NKTR: variants seen among roughly 807,000 people sequenced by gnomAD.
The protein encoded by NKTR is NK-tumor recognition protein.
A neutral mutation model predicts 156.3 loss-of-function variants in NKTR; 67 were observed. That is an observed-to-expected ratio of 0.43 (90% CI 0.35 to 0.53). The LOEUF (loss-of-function observed/expected upper bound fraction) is 0.53, where lower values mean the gene tolerates loss of function less well. Ranked by LOEUF, NKTR falls within the 20% of genes least tolerant of loss-of-function variation. NKTR has a pLI of 0.01. For synonymous variants in NKTR, 640 were observed against 596.6 expected (o/e 1.07, Z -1.06); for missense variants, 1,604 against 1,730.9 (o/e 0.93, Z 1.30).
intron 6 of NKTR, chr3:42,629,393 C>T: frequency 1.1e-6 from 1 of 921,090 alleles, no homozygotes; most frequent in Non-Finnish European, 1.3e-6. Context: ...TTCTGTAGTG[C>T]TCTTACAGAA....
intron 2 of NKTR, among the ~76,000 whole-genome samples, chr3:42,610,743 C>G (rs896380525): frequency 4.0e-5 from 6 of 151,766 alleles, no homozygotes; most frequent in Non-Finnish European, 2.9e-5. Context: ...CTCTCCCAGG[C>G]TTTGGTTTCG....
At chr3:42,617,774 T>TA (rs58694012) in intron 3 of NKTR, 130 bp downstream of exon 3, 61,884 of 557,742 alleles carry the variant, frequency 0.11, 4,659 homozygotes, top group African/African-American at 0.24. Context: ...AAAAAAGAGT[T>TA]ACTTATACTG....
chr3:42,643,315 G>C (rs1055486604), intron 14 of NKTR, 24 bp from the exon 15 acceptor site: 1 of 1,605,932 alleles, frequency 6.2e-7, no homozygotes. Context: ...ATAAGATGAT[G>C]GTCCTTCATG....
chr3:42,609,832 A>G (rs916194532), intron 2 of NKTR, among the ~76,000 whole-genome samples: 2 of 150,992 alleles, frequency 1.3e-5, no homozygotes, highest in African/African-American at 2.5e-5. Context: ...ATTTTGTTCT[A>G]CTAGTTCTTG....
In NKTR at chr3:42,638,144, T is replaced by C; in HGVS notation, c.2440T>C (p.Ser814Pro). ...SLDYSSDSEQSSVQATQSAQE... is the reference protein window; with the variant it reads ...SLDYSSDSEQPSVQATQSAQE... Reference sequence around the variant, plus strand: ...AGATTATTCTTCAGACAGTGAGCAGTCAAGTGTTCAGGCCACACAGTCAGC... The same window carrying C: ...AGATTATTCTTCAGACAGTGAGCAGCCAAGTGTTCAGGCCACACAGTCAGC... Residue 814 changes from serine (S) to proline (P), a missense_variant, in exon 13 of 17, where the codon TCA (serine) becomes CCA (proline). Transcript: ENST00000232978. 6.2e-7 allele frequency: 1 copy of C among 1,613,576 alleles called. No homozygotes were observed. Among genetic ancestry groups the C allele is most frequent in the Non-Finnish European group, 8.5e-7 (1 of 1,179,906 alleles).
intron 5 of NKTR, 73 bp downstream of exon 5, chr3:42,619,781 G>C (rs772473475): frequency 1.5e-5 from 24 of 1,579,886 alleles, no homozygotes; most frequent in Non-Finnish European, 2.1e-5. Context: ...TACTTTTAAT[G>C]AGAAGAGGTT....
At position 42,648,104 on chromosome 3, in the gene NKTR, A is replaced by G. The variant is rs886590480; in HGVS notation, c.*2129A>G. On this transcript the variant is annotated 3_prime_UTR_variant, in exon 17 of 17. Transcript: ENST00000232978. Reference sequence around the variant, plus strand: ...TCTTATGTGGTCCCCTCCAGCTTCAAACCAGCCTTCCTGCTCTTTCTCATG... The same window carrying G: ...TCTTATGTGGTCCCCTCCAGCTTCAGACCAGCCTTCCTGCTCTTTCTCATG... 2.6e-5 allele frequency: 4 copies of G among 152,182 alleles called. No homozygotes were observed. The highest frequency in any genetic ancestry group is 2.1e-4 in the South Asian group (1 of 4,826). The allele number at this position is 152,182 out of a possible 1,614,324, so 9.4% of individuals were successfully genotyped here.
At position 42,639,683 on chromosome 3, in the gene NKTR, C is replaced by T. The variant is rs780635926; in HGVS notation, c.3979C>T (p.His1327Tyr). The change falls in exon 13 of 17, where the codon CAC (histidine) becomes TAC (tyrosine). Residue 1327 changes from histidine to tyrosine, a missense_variant. Physicochemically the swap from His to Tyr is moderately conservative, Grantham distance 83. Transcript: ENST00000232978. ...AAGTAAATCTGAAACCAAATCAAGA[C>T]ACAGAACAAGGTCTGTCTCCTATAG... ...SRSKSETKSR[H>Y]RTRSVSYSHS... 4 of 1,613,958 alleles carry T rather than the reference C, an allele frequency of 2.5e-6. No individual in the cohort carries two copies. The highest frequency in any genetic ancestry group is 1.7e-6 in the Non-Finnish European group (2 of 1,179,882).
In NKTR at chr3:42,639,463, T is replaced by G. The variant is rs1030453604; in HGVS notation, c.3759T>G (p.Thr1253=). ...SSAVEVKVLT[T]VPEMKPQGLR... ...CTGTGGAAGTTAAGGTGTTGACCAC[T>G]GTGCCTGAAATGAAACCACAAGGCT... Residue 1253 remains threonine (T), a synonymous_variant, in exon 13 of 17, where the codon ACT becomes ACG. Transcript: ENST00000232978. 4 of 1,614,244 alleles carry G rather than the reference T, an allele frequency of 2.5e-6. No individual in the cohort carries two copies. Among genetic ancestry groups the G allele is most frequent in the Non-Finnish European group, 3.4e-6 (4 of 1,180,038 alleles).
At chr3:42,621,172 A>G (rs1707866570) in intron 5 of NKTR, 1 of 1,057,868 alleles carries the variant, frequency 9.5e-7, no homozygotes, top group African/African-American at 1.7e-5. Context: ...TGTTACTACT[A>G]AAAGTGACTG....
intron 13 of NKTR, among the ~76,000 whole-genome samples, chr3:42,640,889 G>A (rs1709832495): frequency 6.6e-6 from 1 of 152,102 alleles, no homozygotes; most frequent in South Asian, 2.1e-4. Flanking sequence ...AGATGCAGTT[G>A]CCTATTGAGC....
At chr3:42,645,025 C>G (rs1214638600) in intron 16 of NKTR, among the ~76,000 whole-genome samples, 1 of 152,056 alleles carries the variant, frequency 6.6e-6, no homozygotes, top group Non-Finnish European at 1.5e-5. Context: ...ATGCCTGGCT[C>G]ACAGTGAATG....
At chr3:42,636,265 G>A (rs542009814) in intron 12 of NKTR, among the ~76,000 whole-genome samples, 10 of 152,098 alleles carry the variant, frequency 6.6e-5, no homozygotes, top group African/African-American at 2.2e-4. Context: ...GTGTAGAAGC[G>A]GCTCAGACAC....
intron 2 of NKTR, among the ~76,000 whole-genome samples, chr3:42,613,674 C>G (rs912005444): frequency 1.3e-5 from 2 of 152,162 alleles, no homozygotes; most frequent in African/African-American, 4.8e-5. Context: ...CATCTGTGTA[C>G]TTGGTGATTT....
chr3:42,639,610 G>C lies in NKTR; in HGVS notation c.3906G>C (p.Thr1302=). The part of the protein sequence containing the change: ...RNQESSSDEQ[T]PSRDDDSQSR... Reference sequence around the variant, plus strand: ...AGGAGAGTTCAAGTGATGAGCAGACGCCTAGTCGGGATGATGATAGCCAGT... The same window carrying C: ...AGGAGAGTTCAAGTGATGAGCAGACCCCTAGTCGGGATGATGATAGCCAGT... The change falls in exon 13 of 17, where the codon ACG becomes ACC. Residue 1302 remains threonine (T), a synonymous_variant. Coordinates refer to ENST00000232978, the MANE Select transcript of NKTR (RefSeq NM_005385.4). 3 of 1,614,152 alleles carry C rather than the reference G, an allele frequency of 1.9e-6. No homozygotes were observed. Among genetic ancestry groups the C allele is most frequent in the Non-Finnish European group, 2.5e-6 (3 of 1,179,992 alleles).
At chr3:42,607,350 G>A (rs1706331210) in intron 2 of NKTR, among the ~76,000 whole-genome samples, 1 of 152,186 alleles carries the variant, frequency 6.6e-6, no homozygotes, top group Admixed American at 6.5e-5. Flanking sequence ...GTAGTCATCA[G>A]TGGCCAAACC....
At chr3:42,628,562 T>C in intron 6 of NKTR, 1 of 985,430 alleles carries the variant, frequency 1.0e-6, no homozygotes, top group Non-Finnish European at 1.2e-6. Flanking sequence ...ATTTGCAGGC[T>C]TTCCCCAATA....
At chr3:42,627,722 G>A in intron 6 of NKTR, 1 of 983,542 alleles carries the variant, frequency 1.0e-6, no homozygotes, top group Non-Finnish European at 1.2e-6. Flanking sequence ...ATATTGAAAG[G>A]TTTTACAATT....
At chr3:42,620,888 T>G (rs1014152229) in intron 5 of NKTR, 9 of 947,386 alleles carry the variant, frequency 9.5e-6, no homozygotes, top group Non-Finnish European at 1.0e-5. Context: ...TAGATAATTT[T>G]GTGATACAAT....
Sources: allele counts gnomAD v4.1 joint callset (sites outside exome capture counted in the v4.1 genomes callset), GRCh38; gene constraint gnomAD v4.1.1; transcripts MANE v1.5; gene names NCBI Gene and HGNC (gene_info 2026-07-23, HGNC 2026-07-21).